The following SKIC8 variants were observed in gnomAD, a reference collection of about 807,000 sequenced individuals.
The protein encoded by SKIC8 is superkiller complex protein 8.
the SKIC8 span, among the ~76,000 whole-genome samples, chr15:78,287,304 G>C: frequency 1.4e-5 from 2 of 141,846 alleles, no homozygotes; most frequent in African/African-American, 5.3e-5. Context: ...TCCCCTCTGG[G>C]CTACAGCACC....
At chr15:78,292,283 CA>C in the SKIC8 span, 1 of 271,232 alleles carries the variant, frequency 3.7e-6, no homozygotes, top group Non-Finnish European at 7.2e-6. Flanking sequence ...TTTTGAAATC[CA>C]AAAAGCTCTG....
chr15:78,293,588 T>A, the SKIC8 span, among the ~76,000 whole-genome samples: 1 of 152,030 alleles, frequency 6.6e-6, no homozygotes, highest in Non-Finnish European at 1.5e-5. Context: ...TAAAAACAAG[T>A]AAAACCAGTG....
the SKIC8 span, chr15:78,294,870 G>T: frequency 6.3e-7 from 1 of 1,576,216 alleles, no homozygotes; most frequent in East Asian, 2.2e-5. Flanking sequence ...TGTCTGGTCA[G>T]CATGACAAAA....
chr15:78,288,346 G>C, the SKIC8 span: 52 of 1,613,658 alleles, frequency 3.2e-5, no homozygotes, highest in Non-Finnish European at 4.1e-5. Flanking sequence ...CTGGGAGTCC[G>C]GGGAAAAGGT....
chr15:78,285,917 T>A, the SKIC8 span: 2 of 752,108 alleles, frequency 2.7e-6, no homozygotes, highest in South Asian at 6.2e-5. Flanking sequence ...TTTTAAGAAC[T>A]GCAGAAAAGA....
At chr15:78,295,374 TTCTCCTGTTCTA>T in the SKIC8 span, 1 of 604,554 alleles carries the variant, frequency 1.7e-6, no homozygotes, top group Non-Finnish European at 2.9e-6. Flanking sequence ...AAAGATATGT[TTCTCCTGTTCTA>T]TCTCCTATTC....
chr15:78,294,969 C>A, the SKIC8 span: 2 of 1,613,990 alleles, frequency 1.2e-6, no homozygotes, highest in Non-Finnish European at 1.7e-6. Context: ...GAAGAGAATA[C>A]CGTACTAAAA....
chr15:78,286,228 G>A, the SKIC8 span: 4 of 1,034,136 alleles, frequency 3.9e-6, no homozygotes, highest in Non-Finnish European at 5.7e-6. Context: ...CCAATAAGCT[G>A]GACCAAATCT....
At chr15:78,296,733 G>A in the SKIC8 span, among the ~76,000 whole-genome samples, 4 of 152,104 alleles carry the variant, frequency 2.6e-5, no homozygotes, top group Non-Finnish European at 4.4e-5. Flanking sequence ...GAACTCCTGG[G>A]CTCAAGCAAT....
At chr15:78,284,006 C>T in the SKIC8 span, 1 of 152,912 alleles carries the variant, frequency 6.5e-6, no homozygotes, top group South Asian at 2.1e-4. Context: ...TGGAGCCTGC[C>T]TGTCCCCAGG....
chr15:78,286,036 A>G, the SKIC8 span: 1 of 1,610,744 alleles, frequency 6.2e-7, no homozygotes, highest in African/African-American at 1.3e-5. Flanking sequence ...AGAATCATTA[A>G]GTACCTGGAA....
chr15:78,292,954 T>C, the SKIC8 span: 6 of 981,746 alleles, frequency 6.1e-6, no homozygotes, highest in East Asian at 2.6e-5. Flanking sequence ...GTTTTAAATG[T>C]AGGACTTTAA....
chr15:78,285,055 G>T, the SKIC8 span: 1 of 561,602 alleles, frequency 1.8e-6, no homozygotes, highest in Non-Finnish European at 3.2e-6. Flanking sequence ...CTCGTGAGTT[G>T]CTAGGCTGAC....
the SKIC8 span, chr15:78,292,378 T>C: frequency 6.4e-6 from 3 of 468,572 alleles, no homozygotes; most frequent in Admixed American, 3.6e-5. Flanking sequence ...AGGCTATTTA[T>C]AGCCTTTATT....
chr15:78,286,760 C>G, the SKIC8 span: 1 of 152,258 alleles, frequency 6.6e-6, no homozygotes, highest in African/African-American at 2.4e-5. Context: ...CAGACCTCAG[C>G]AGAGTGGAGC....
the SKIC8 span, among the ~76,000 whole-genome samples, chr15:78,296,373 T>C: frequency 6.6e-6 from 1 of 151,462 alleles, no homozygotes; most frequent in Non-Finnish European, 1.5e-5. Context: ...GCCACTGAAC[T>C]CCAGCCTGGG....
the SKIC8 span, chr15:78,291,345 T>C: frequency 6.6e-6 from 1 of 152,154 alleles, no homozygotes; most frequent in African/African-American, 2.4e-5. Context: ...TCTTCCTCTT[T>C]TCTTAAGACC....
At chr15:78,299,191 G>C in the SKIC8 span, among the ~76,000 whole-genome samples, 14 of 152,164 alleles carry the variant, frequency 9.2e-5, no homozygotes, top group Admixed American at 9.2e-4. Context: ...GTCTGTATCT[G>C]TCCAGCACGC....
the SKIC8 span, among the ~76,000 whole-genome samples, chr15:78,297,958 G>A: frequency 6.6e-6 from 1 of 152,164 alleles, no homozygotes; most frequent in African/African-American, 2.4e-5. Context: ...TCATTATGTT[G>A]CCCAGGCTGG....
Sources: gnomAD v4.1 joint callset for allele counts (sites outside exome capture counted in the v4.1 genomes callset) on GRCh38, gnomAD v4.1.1 for gene constraint, MANE v1.5 for transcripts, NCBI Gene and HGNC (gene_info 2026-07-23, HGNC 2026-07-21) for gene names.